The following RP1 variants were observed in gnomAD, a reference collection of about 807,000 sequenced individuals.
The protein encoded by RP1 is RP1 axonemal microtubule associated.
Under a neutral mutation model 14.8 loss-of-function variants are expected in RP1, and 16 were observed. The ratio of observed to expected loss-of-function variants is 1.08; its 90% confidence interval spans 0.73 to 1.65. The LOEUF (loss-of-function observed/expected upper bound fraction) is 1.65. Ranked by LOEUF, RP1 falls within the 40% of genes most tolerant of loss-of-function variation. The pLI, the probability that RP1 is intolerant of heterozygous loss-of-function variation, is 0.00. For missense variants in RP1, 2,631 were observed against 2,535.0 expected (o/e 1.04, Z -0.81); for synonymous variants, 876 against 883.6 (o/e 0.99, Z 0.15).
intron 24 of RP1, among the ~76,000 whole-genome samples, chr8:54,803,532 T>C (rs2129389960): frequency 6.6e-6 from 1 of 152,290 alleles, no homozygotes; most frequent in East Asian, 1.9e-4. Flanking sequence ...ACTATCATCC[T>C]CCAGATGCTA....
chr8:54,735,252 C>A (rs1025472766), intron 18 of RP1, among the ~76,000 whole-genome samples: 7 of 152,134 alleles, frequency 4.6e-5, no homozygotes, highest in African/African-American at 1.7e-4. Context: ...TTTGCCCATG[C>A]CCATTTCTAA....
intron 22 of RP1, among the ~76,000 whole-genome samples, chr8:54,763,708 T>A (rs968956661): frequency 1.3e-5 from 2 of 151,932 alleles, no homozygotes; most frequent in Admixed American, 1.3e-4. Context: ...ACAAAACGAA[T>A]CTAACTTGAC....
At chr8:54,717,224 T>A (rs1046954688) in intron 15 of RP1, among the ~76,000 whole-genome samples, 3 of 152,230 alleles carry the variant, frequency 2.0e-5, no homozygotes, top group Admixed American at 2.0e-4. Context: ...AGCACCTTTT[T>A]AAATCTTAAT....
Position 54,604,310 on chromosome 8 carries a change from C to T in RP1, c.-12-16645C>T, listed in dbSNP as rs373430132. On this transcript the variant is annotated intron_variant, in intron 1 of 22. Transcript: ENST00000636932. ...ATTGAGATAATCATGTGGTTTTTGTCGTTGGTTCTGTTTATATGCTGGATT... is the reference window on the plus strand; with the variant it reads ...ATTGAGATAATCATGTGGTTTTTGTTGTTGGTTCTGTTTATATGCTGGATT... Among the ~76,000 whole-genome samples the T allele has an allele frequency of 3.0e-4, 46 of 152,188 alleles. 1 individual carries two copies. In the East Asian group the frequency reaches 5.0e-3, roughly 17 times the overall value.
chr8:54,638,479 G>T (rs1439908124), intron 3 of RP1, among the ~76,000 whole-genome samples: 1 of 150,958 alleles, frequency 6.6e-6, no homozygotes, highest in African/African-American at 2.4e-5. Flanking sequence ...ATGTTTAATG[G>T]ATAAAAATTA....
At chr8:54,741,729 A>ATG (rs1343202069) in intron 19 of RP1, among the ~76,000 whole-genome samples, 1 of 135,036 alleles carries the variant, frequency 7.4e-6, no homozygotes, top group Non-Finnish European at 1.6e-5. Flanking sequence ...ATATATATAT[A>ATG]TATATATATA....
chr8:54,673,291 G>A (rs1807219270), intron 7 of RP1, among the ~76,000 whole-genome samples: 1 of 152,048 alleles, frequency 6.6e-6, no homozygotes, highest in Admixed American at 6.6e-5. Flanking sequence ...TAATGGATAT[G>A]CTACATCATG....
intron 16 of RP1, among the ~76,000 whole-genome samples, chr8:54,722,479 C>G (rs1327634300): frequency 6.6e-6 from 1 of 151,972 alleles, no homozygotes; most frequent in Non-Finnish European, 1.5e-5. Context: ...ACCGTGTTAG[C>G]CAGGATGGTC....
At chr8:54,661,792 A>T (rs755608562) in intron 6 of RP1, among the ~76,000 whole-genome samples, 8 of 151,914 alleles carry the variant, frequency 5.3e-5, no homozygotes, top group Non-Finnish European at 7.4e-5. Context: ...TCTTTTTTTT[A>T]AAAAAGTATT....
intron 24 of RP1, among the ~76,000 whole-genome samples, chr8:54,785,627 G>A (rs539313422): frequency 2.6e-4 from 40 of 152,110 alleles, no homozygotes; most frequent in African/African-American, 9.4e-4. Context: ...CAAAGTAGCT[G>A]CACCATTTTT....
chr8:54,673,754 A>G (rs1807233093), intron 7 of RP1: 1 of 1,100,260 alleles, frequency 9.1e-7, no homozygotes. Flanking sequence ...CAACAACAAC[A>G]ACAACAACAA....
At chr8:54,833,990 A>C (rs1217473730) in intron 24 of RP1, among the ~76,000 whole-genome samples, 1 of 152,126 alleles carries the variant, frequency 6.6e-6, no homozygotes, top group African/African-American at 2.4e-5. Context: ...ACATATGTTT[A>C]AAGCAGTCTA....
intron 1 of RP1, among the ~76,000 whole-genome samples, chr8:54,605,495 C>T (rs1006343484): frequency 3.3e-5 from 5 of 152,030 alleles, no homozygotes; most frequent in Non-Finnish European, 5.9e-5. Context: ...TAGTGTGGTG[C>T]TGAAAAGAAT....
chr8:54,839,404 G>A (rs892261459), intron 25 of RP1, among the ~76,000 whole-genome samples: 1 of 152,194 alleles, frequency 6.6e-6, no homozygotes, highest in African/African-American at 2.4e-5. Flanking sequence ...CAGGTGGCTG[G>A]TGTGAGCCAG....
At chr8:54,699,472 T>C in exon 13 of RP1, 1 of 1,365,586 alleles carries the variant, frequency 7.3e-7, no homozygotes, top group Non-Finnish European at 9.6e-7. Flanking sequence ...TCCAGGTGTC[T>C]TTGATGTTAT....
intron 23 of RP1, among the ~76,000 whole-genome samples, chr8:54,780,363 A>G (rs1041743775): frequency 4.1e-4 from 63 of 152,248 alleles, no homozygotes; most frequent in Non-Finnish European, 2.5e-4. Flanking sequence ...TAGGTAAGAC[A>G]TATAAACTGT....
chr8:54,566,945 C>T (rs4738989), intron 1 of RP1, among the ~76,000 whole-genome samples: 34,038 of 152,010 alleles, frequency 0.22, 4,235 homozygotes, highest in East Asian at 0.37. Context: ...CTGAGGCAGG[C>T]AGTGAGGTGA....
chr8:54,834,527 TA>T (rs953576010), intron 24 of RP1, among the ~76,000 whole-genome samples: 3 of 152,026 alleles, frequency 2.0e-5, no homozygotes, highest in South Asian at 2.1e-4. Flanking sequence ...TTGTAGCCTT[TA>T]AAAAAAATCT....
chr8:54,702,874 C>T (rs552850098), intron 14 of RP1, among the ~76,000 whole-genome samples: 2 of 152,306 alleles, frequency 1.3e-5, no homozygotes, highest in African/African-American at 4.8e-5. Context: ...TATTCTGTTT[C>T]AACAAATTAC....
Sources: allele counts gnomAD v4.1 joint callset (sites outside exome capture counted in the v4.1 genomes callset), GRCh38; gene constraint gnomAD v4.1.1; transcripts MANE v1.5; gene names NCBI Gene and HGNC (gene_info 2026-07-23, HGNC 2026-07-21).